Variants in SSPN observed in about 807,000 individuals in gnomAD.
The protein encoded by SSPN is sarcospan.
SSPN carries 15 observed loss-of-function variants against 19.1 expected under a neutral mutation model. The observed-to-expected ratio is 0.78, with a 90% CI of 0.52 to 1.21. The LOEUF (loss-of-function observed/expected upper bound fraction) is 1.21, where lower values mean the gene tolerates loss of function less well. Ranked by LOEUF, SSPN falls within the 50% of genes most tolerant of loss-of-function variation. SSPN has a pLI of 0.00. For synonymous variants in SSPN, 147 were observed against 140.3 expected (o/e 1.05, Z -0.34); for missense variants, 291 against 314.0 (o/e 0.93, Z 0.55).
chr12:26,169,591 A>T (rs1204846203), intron 1 of SSPN, among the ~76,000 whole-genome samples: 5 of 126,660 alleles, frequency 3.9e-5, no homozygotes, highest in African/African-American at 2.0e-4. Flanking sequence ...ATATATATAT[A>T]TATTTTTTTT....
chr12:26,123,228 C>A, intron 1 of SSPN: 1 of 1,510,680 alleles, frequency 6.6e-7, no homozygotes, highest in Non-Finnish European at 8.9e-7. Context: ...AGAAACATAC[C>A]CACGTTAAAA....
chr12:26,165,898 G>T (rs1239530233), intron 1 of SSPN, among the ~76,000 whole-genome samples: 1 of 152,208 alleles, frequency 6.6e-6, no homozygotes, highest in African/African-American at 2.4e-5. Flanking sequence ...GTTAGATGAA[G>T]AAATTCTGGA....
intron 1 of SSPN, among the ~76,000 whole-genome samples, chr12:26,138,272 A>T (rs1203524690): frequency 6.6e-6 from 1 of 152,208 alleles, no homozygotes; most frequent in Non-Finnish European, 1.5e-5. Flanking sequence ...GAACCTGTGG[A>T]TACAGAGGGC....
chr12:26,130,898 C>CT (rs112933150), intron 1 of SSPN, among the ~76,000 whole-genome samples: 52,029 of 145,610 alleles, frequency 0.36, 11,997 homozygotes, highest in African/African-American at 0.67. Context: ...TCTTAAGGAG[C>CT]TTTTTTTTTT....
At chr12:26,198,139 C>A (rs186200844) in intron 1 of SSPN, among the ~76,000 whole-genome samples, 1 of 151,874 alleles carries the variant, frequency 6.6e-6, no homozygotes, top group East Asian at 1.9e-4. Context: ...CCAGCTCAGC[C>A]ACTGTGTGCT....
Position 26,230,966 on chromosome 12 carries a change from G to C in SSPN, c.622G>C (p.Val208Leu). ...GATTCTTAATTTGGTCTGCGGCCTT[G>C]TGTGCTTGTTGGCCTGCTTTGTGAT... is the stretch of plus-strand genomic sequence containing the variant. ...QMILNLVCGLVCLLACFVMWK... is the reference protein window; with the variant it reads ...QMILNLVCGLLCLLACFVMWK... Residue 208 changes from valine (V) to leucine (L), a missense_variant, in exon 3 of 3, where the codon GTG becomes CTG. This residue lies in a region of SSPN where 141 missense variants were observed against 166.7 expected (regional missense o/e 0.85). Coordinates refer to ENST00000242729, the MANE Select transcript of SSPN (RefSeq NM_005086.5). 3 of 1,614,186 alleles carry C rather than the reference G, an allele frequency of 1.9e-6. No homozygotes were observed. Among genetic ancestry groups the C allele is most frequent in the Non-Finnish European group, 2.5e-6 (3 of 1,180,028 alleles).
At chr12:26,132,309 G>A (rs1381787646) in intron 1 of SSPN, among the ~76,000 whole-genome samples, 1 of 152,138 alleles carries the variant, frequency 6.6e-6, no homozygotes, top group African/African-American at 2.4e-5. Flanking sequence ...ACTGTGATGG[G>A]TTTTAGGGAT....
At chr12:26,206,627 G>A (rs955024922) in intron 1 of SSPN, among the ~76,000 whole-genome samples, 8 of 152,096 alleles carry the variant, frequency 5.3e-5, no homozygotes, top group African/African-American at 1.9e-4. Flanking sequence ...ACCGGAGTAG[G>A]CTCAATCCAC....
At chr12:26,122,872 C>G in intron 1 of SSPN, 1 of 1,558,334 alleles carries the variant, frequency 6.4e-7, no homozygotes. Context: ...ACGCAGTAGG[C>G]GAGGGGCTCC....
rs769589555 is a variant in SSPN at position 26,124,769 on chromosome 12, C to T, written c.-31+2617C>T. On this transcript the variant is annotated intron_variant, in intron 1 of 2. Transcript: ENST00000538142. ...CTGTCTCTCTTGCAAATGAGGAATT[C>T]CTTCGTCCATGTTCAACTGCTGTTC... The T allele has an allele frequency of 9.3e-6, 15 of 1,614,180 alleles. 1 individual carries two copies. The South Asian group carries it at 1.6e-4, about 18-fold the overall frequency.
chr12:26,124,636 G>A (rs375142532), intron 1 of SSPN: 358 of 1,609,772 alleles, frequency 2.2e-4, no homozygotes, highest in Non-Finnish European at 2.9e-4. Context: ...CTCTGCCCTC[G>A]CCAGCTCCAT....
chr12:26,176,380 T>G (rs1476792447), intron 1 of SSPN, among the ~76,000 whole-genome samples: 1 of 152,222 alleles, frequency 6.6e-6, no homozygotes, highest in Non-Finnish European at 1.5e-5. Flanking sequence ...CTATGAGAGA[T>G]GGCCCTAAAC....
chr12:26,182,813 A>G (rs984985949), intron 1 of SSPN, among the ~76,000 whole-genome samples: 2 of 150,522 alleles, frequency 1.3e-5, no homozygotes, highest in Non-Finnish European at 2.9e-5. Context: ...CCCAGGCTGA[A>G]GTGAAGTAGG....
At chr12:26,210,348 C>T (rs1368113729) in intron 1 of SSPN, among the ~76,000 whole-genome samples, 2 of 151,952 alleles carry the variant, frequency 1.3e-5, no homozygotes, top group African/African-American at 4.8e-5. Context: ...TAGAATCAAA[C>T]CACTGTTTAA....
chr12:26,124,858 C>G, intron 1 of SSPN: 2 of 1,388,400 alleles, frequency 1.4e-6, no homozygotes, highest in African/African-American at 1.4e-5. Flanking sequence ...GCTTGGGAGA[C>G]CTTGGGGGGA....
rs117506538 is a variant in SSPN at position 26,230,878 on chromosome 12, C to T, written c.534C>T (p.Tyr178=). The part of the protein sequence containing the change: ...SSEPLSRTFV[Y]RDVTDCTSVT... ...AGCCGCTCAGCAGGACCTTTGTTTA[C>T]CGGGATGTGACGGACTGTACCAGCG... Residue 178 remains tyrosine (Y), a synonymous_variant, in exon 3 of 3, where the codon TAC becomes TAT. Coordinates refer to ENST00000242729, the MANE Select transcript of SSPN (RefSeq NM_005086.5). 2.0e-3 allele frequency: 3,306 copies of T among 1,614,172 alleles called. 118 individuals are homozygous for T. The East Asian group carries it at 0.061, about 30-fold the overall frequency.
chr12:26,232,537 T>G lies in SSPN; in HGVS notation c.*1461T>G. ...TCAATTCGCCTCTCCGCATTGCCTA[T>G]TGATACACTTTACTAATCATGAAAT... On this transcript the variant is annotated 3_prime_UTR_variant, in exon 3 of 3. Coordinates refer to ENST00000242729, the MANE Select transcript of SSPN (RefSeq NM_005086.5). 1 of 985,424 alleles carries G rather than the reference T, an allele frequency of 1.0e-6. No homozygotes were observed. Among genetic ancestry groups the G allele is most frequent in the South Asian group, 4.7e-5 (1 of 21,290 alleles). The allele number at this position is 985,424 out of a possible 1,614,324, so 61.0% of individuals were successfully genotyped here.
At chr12:26,155,329 A>G (rs1402722076) in intron 1 of SSPN, among the ~76,000 whole-genome samples, 1 of 152,204 alleles carries the variant, frequency 6.6e-6, no homozygotes, top group Non-Finnish European at 1.5e-5. Flanking sequence ...AATTACCAAC[A>G]CAGAAAGGAG....
At chr12:26,211,925 A>C (rs1451708739) in intron 1 of SSPN, among the ~76,000 whole-genome samples, 2 of 152,230 alleles carry the variant, frequency 1.3e-5, no homozygotes, top group Non-Finnish European at 2.9e-5. Context: ...GTATCTAGCC[A>C]TACAAAGCGC....
Sources: gnomAD v4.1 joint callset for allele counts (sites outside exome capture counted in the v4.1 genomes callset) on GRCh38, gnomAD v4.1.1 for gene constraint, gnomAD v4.1.1 regional missense constraint, MANE v1.5 for transcripts, NCBI Gene and HGNC (gene_info 2026-07-23, HGNC 2026-07-21) for gene names.